Variants in WDFY2 observed in about 807,000 individuals in gnomAD.
The protein encoded by WDFY2 is WD repeat and FYVE domain containing 2.
WDFY2 carries 36 observed loss-of-function variants against 56.4 expected under a neutral mutation model. The observed-to-expected ratio is 0.64, with a 90% CI of 0.49 to 0.84. The LOEUF is 0.84. Ranked by LOEUF, WDFY2 falls within the 40% of genes least tolerant of loss-of-function variation. The probability of loss-of-function intolerance (pLI) is 0.00; values close to 1 mark genes in which losing one functional copy is unlikely to be tolerated. For synonymous variants in WDFY2, 176 were observed against 183.7 expected, an observed-to-expected ratio of 0.96 and a Z score of 0.34; for missense variants, 444 against 512.2, an observed-to-expected ratio of 0.87 and a Z score of 1.29.
chr13:51,763,300 C>T lies in WDFY2; in HGVS notation c.*3531C>T, dbSNP rs1333759841. 1 of 152,138 alleles carries T rather than the reference C, an allele frequency of 6.6e-6. No homozygotes were observed. Among genetic ancestry groups the T allele is most frequent in the Non-Finnish European group, 1.5e-5 (1 of 68,034 alleles). 9.4% of individuals were successfully genotyped at this position (152,138 alleles called of 1,614,324 possible). On this transcript the variant is annotated 3_prime_UTR_variant, in exon 12 of 12. Transcript: ENST00000298125. ...AAAGCATATATGACAGTTTTTTTGG[C>T]TCCGGCCCTGTGGTGGGGGAGGTAA...
At chr13:51,749,139 T>A (rs1379226048) in intron 7 of WDFY2, among the ~76,000 whole-genome samples, 5 of 152,212 alleles carry the variant, frequency 3.3e-5, no homozygotes, top group African/African-American at 9.6e-5. Flanking sequence ...TATCTTTTTT[T>A]ACAGAATATG....
At chr13:51,698,914 AC>A (rs1951928623) in intron 3 of WDFY2, among the ~76,000 whole-genome samples, 1 of 152,234 alleles carries the variant, frequency 6.6e-6, no homozygotes, top group Non-Finnish European at 1.5e-5. Context: ...ACAAAGGATA[AC>A]TATCCCTAAT....
At chr13:51,721,485 G>C (rs541420571) in intron 5 of WDFY2, among the ~76,000 whole-genome samples, 1 of 152,222 alleles carries the variant, frequency 6.6e-6, no homozygotes, top group East Asian at 1.9e-4. Flanking sequence ...CTTTGATGTA[G>C]GATTATAACC....
chr13:51,691,350 AT>A (rs1956151327), intron 3 of WDFY2, among the ~76,000 whole-genome samples: 1 of 151,186 alleles, frequency 6.6e-6, no homozygotes, highest in African/African-American at 2.4e-5. Flanking sequence ...TAAGTCTTTA[AT>A]CCATCTTGAA....
At chr13:51,585,892 G>A (rs530935048) in intron 1 of WDFY2, 7 of 396,732 alleles carry the variant, frequency 1.8e-5, no homozygotes, top group African/African-American at 4.1e-5. Flanking sequence ...ATAGTGTGTG[G>A]CCTCAACAAT....
chr13:51,660,165 A>G (rs1299908574), intron 1 of WDFY2, among the ~76,000 whole-genome samples: 1 of 152,086 alleles, frequency 6.6e-6, no homozygotes, highest in African/African-American at 2.4e-5. Flanking sequence ...TTTATGGTTA[A>G]GATACATAGG....
chr13:51,650,897 A>T (rs1356370253), intron 1 of WDFY2, among the ~76,000 whole-genome samples: 14 of 152,144 alleles, frequency 9.2e-5, no homozygotes, highest in African/African-American at 3.1e-4. Context: ...TGTCTCTGCC[A>T]GGCTTTGGTA....
chr13:51,727,942 G>A, intron 6 of WDFY2, 152 bp downstream of exon 6: 3 of 664,538 alleles, frequency 4.5e-6, no homozygotes, highest in Non-Finnish European at 7.4e-6. Flanking sequence ...TTTCAAAATG[G>A]TTCAGTAAGA....
In WDFY2 at chr13:51,756,955, C is replaced by T. The variant is rs144496470; in HGVS notation, c.1064+493C>T. On this transcript the variant is annotated intron_variant, in intron 10 of 11. Coordinates refer to ENST00000298125, the MANE Select transcript of WDFY2 (RefSeq NM_052950.4). The stretch of plus-strand genomic sequence containing the variant: ...GTCAGACCTGCCCAGTAACCCAGGA[C>T]ATAGGTTACTTACCCCTTGGTGTGC... Among the ~76,000 whole-genome samples, 445 of 152,334 alleles carry T rather than the reference C, an allele frequency of 2.9e-3. 2 individuals are homozygous for T. The highest frequency in any genetic ancestry group is 0.01 in the African/African-American group (424 of 41,568).
chr13:51,636,178 A>C (rs192384766), intron 1 of WDFY2, among the ~76,000 whole-genome samples: 2 of 152,336 alleles, frequency 1.3e-5, no homozygotes, highest in East Asian at 3.9e-4. Context: ...GTTCATTTTC[A>C]GGTCAATGAG....
At chr13:51,722,105 C>T (rs534378716) in intron 5 of WDFY2, among the ~76,000 whole-genome samples, 1 of 151,294 alleles carries the variant, frequency 6.6e-6, no homozygotes, top group African/African-American at 2.4e-5. Flanking sequence ...TATGAATCAA[C>T]ATAAAAGATT....
chr13:51,666,737 CTT>C (rs1352335206), intron 2 of WDFY2, among the ~76,000 whole-genome samples: 2 of 152,106 alleles, frequency 1.3e-5, no homozygotes, highest in Non-Finnish European at 2.9e-5. Context: ...CTCTCTCTCT[CTT>C]AGTCATAACT....
intron 4 of WDFY2, among the ~76,000 whole-genome samples, chr13:51,706,736 A>C (rs1412157713): frequency 1.3e-5 from 2 of 152,228 alleles, no homozygotes; most frequent in East Asian, 3.8e-4. Context: ...AAATCAATGC[A>C]AGCTCTTTTC....
intron 3 of WDFY2, among the ~76,000 whole-genome samples, chr13:51,690,198 T>A (rs11380557): frequency 0.083 from 179 of 2,144 alleles, no homozygotes; most frequent in Non-Finnish European, 0.31. Context: ...ATATATATAT[T>A]TTTTTTATTA....
At position 51,760,188 on chromosome 13, in the gene WDFY2, C is replaced by T. The variant is rs1040024860; in HGVS notation, c.*419C>T. On this transcript the variant is annotated 3_prime_UTR_variant, in exon 12 of 12. Coordinates refer to ENST00000298125, the MANE Select transcript of WDFY2 (RefSeq NM_052950.4). Reference sequence around the variant, plus strand: ...TTTACTTCAACATGTGTCACGTGGCCAGCGGCTTTTTCTTCTCTTCCCTCT... The same window carrying T: ...TTTACTTCAACATGTGTCACGTGGCTAGCGGCTTTTTCTTCTCTTCCCTCT... 6.4e-6 allele frequency: 1 copy of T among 156,944 alleles called. No homozygotes were observed. The highest frequency in any genetic ancestry group is 1.4e-5 in the Non-Finnish European group (1 of 71,118). The allele number at this position is 156,944 out of a possible 1,614,324, so 9.7% of individuals were successfully genotyped here. A position where few individuals can be genotyped will look rare whatever the true frequency, so the allele number is the denominator to read the frequency against.
chr13:51,716,674 C>A (rs2138621541), intron 4 of WDFY2, among the ~76,000 whole-genome samples: 1 of 111,130 alleles, frequency 9.0e-6, no homozygotes, highest in Non-Finnish European at 1.7e-5. Context: ...GCCTGGGCGA[C>A]AGAGCGAGAC....
intron 1 of WDFY2, among the ~76,000 whole-genome samples, chr13:51,639,885 A>G (rs1231606400): frequency 1.3e-5 from 2 of 152,214 alleles, no homozygotes; most frequent in East Asian, 1.9e-4. Context: ...ATATACTACC[A>G]TCATATATAT....
At chr13:51,658,376 C>T (rs888390497) in intron 1 of WDFY2, among the ~76,000 whole-genome samples, 4 of 152,164 alleles carry the variant, frequency 2.6e-5, no homozygotes, top group African/African-American at 9.7e-5. Flanking sequence ...AATAGCCAGC[C>T]TTTGCTTAAA....
chr13:51,756,553 C>T lies in WDFY2; in HGVS notation c.1064+91C>T, dbSNP rs532474546. The T allele has an allele frequency of 9.3e-5, 138 of 1,484,918 alleles. 2 individuals carry two copies. The South Asian group carries it at 1.8e-3, about 19-fold the overall frequency. 92.0% of individuals were successfully genotyped at this position (1,484,918 alleles called of 1,614,324 possible). ...AGCGCCGCAACCATCACTCAGGTTG[C>T]TCTAGTTTCTGCTGGTTTAGAATAT... On this transcript the variant is annotated intron_variant, in intron 10 of 11. Transcript: ENST00000298125.
Sources: gnomAD v4.1 joint callset for allele counts (sites outside exome capture counted in the v4.1 genomes callset) on GRCh38, gnomAD v4.1.1 for gene constraint, MANE v1.5 for transcripts, NCBI Gene and HGNC (gene_info 2026-07-23, HGNC 2026-07-21) for gene names.